The following RALGAPA1 variants were observed in gnomAD, a reference collection of about 807,000 sequenced individuals.
The protein encoded by RALGAPA1 is Ral GTPase activating protein catalytic subunit alpha 1.
In RALGAPA1, 52 loss-of-function variants were observed where a neutral mutation model predicts 269.6. The ratio of observed to expected loss-of-function variants is 0.19; its 90% CI spans 0.15 to 0.24. RALGAPA1 has a LOEUF of 0.24. RALGAPA1 is among the 10% of genes least tolerant of loss of function. RALGAPA1 has a pLI of 1.00. For synonymous variants in RALGAPA1, 817 were observed against 1,008.3 expected, an observed-to-expected ratio of 0.81 and a Z score of 3.60; for missense variants, 1,917 against 3,013.9, an observed-to-expected ratio of 0.64 and a Z score of 8.52.
chr14:35,686,725 TTGAAACAA>T, intron 18 of RALGAPA1, 59 bp from the exon 19 acceptor site: 1 of 1,033,754 alleles, frequency 9.7e-7, no homozygotes, highest in South Asian at 2.2e-5. Flanking sequence ...TTTTCTAACT[TTGAAACAA>T]ACAACAACCC....
intron 33 of RALGAPA1, among the ~76,000 whole-genome samples, chr14:35,633,323 T>C (rs1011564939): frequency 7.9e-5 from 12 of 152,188 alleles, no homozygotes; most frequent in African/African-American, 2.4e-4. Flanking sequence ...AATATAATTT[T>C]AAATTGCTTA....
At chr14:35,663,223 TCAAA>T (rs1415426379) in intron 27 of RALGAPA1, among the ~76,000 whole-genome samples, 1 of 152,082 alleles carries the variant, frequency 6.6e-6, no homozygotes, top group East Asian at 1.9e-4. Flanking sequence ...ATACCAGGTA[TCAAA>T]CAGTATGTTA....
In RALGAPA1 at chr14:35,638,443, T is replaced by A. The variant is rs1205388910; in HGVS notation, c.5677-2845A>T. On this transcript the variant is annotated intron_variant, in intron 31 of 41. Transcript: ENST00000680220. ...TATAAGATATTACTTGCAAGCCTTA[T>A]GGTAACCTCCAATATAAACACATAC... Among the ~76,000 whole-genome samples the A allele has an allele frequency of 2.0e-5, 3 of 152,126 alleles. No homozygotes were observed. In the East Asian group the frequency reaches 5.8e-4, roughly 29 times the overall value.
chr14:35,672,704 A>G (rs1264272033), intron 25 of RALGAPA1, among the ~76,000 whole-genome samples, 163 bp downstream of exon 25: 2 of 152,214 alleles, frequency 1.3e-5, no homozygotes, highest in Non-Finnish European at 2.9e-5. Flanking sequence ...CCATGTTTCA[A>G]GAACAAATAA....
intron 37 of RALGAPA1, among the ~76,000 whole-genome samples, chr14:35,576,425 T>G (rs541187743): frequency 6.6e-6 from 1 of 152,232 alleles, no homozygotes; most frequent in Non-Finnish European, 1.5e-5. Flanking sequence ...TTTAAGCTTA[T>G]GAAGGTCTAT....
intron 32 of RALGAPA1, among the ~76,000 whole-genome samples, 154 bp downstream of exon 32, chr14:35,635,310 A>G (rs2061599959): frequency 6.6e-6 from 1 of 152,214 alleles, no homozygotes; most frequent in Non-Finnish European, 1.5e-5. Context: ...TGTAGGAAGC[A>G]CTTTTAAATT....
chr14:35,573,448 G>A (rs1210380957), intron 37 of RALGAPA1, among the ~76,000 whole-genome samples: 1 of 152,090 alleles, frequency 6.6e-6, no homozygotes, highest in Non-Finnish European at 1.5e-5. Context: ...TTGACTTTTA[G>A]TGCAGATCTT....
At chr14:35,718,399 G>T (rs1249954540) in intron 16 of RALGAPA1, among the ~76,000 whole-genome samples, 1 of 152,168 alleles carries the variant, frequency 6.6e-6, no homozygotes, top group Non-Finnish European at 1.5e-5. Flanking sequence ...GGATTCTCAA[G>T]AAACTGGTAA....
At chr14:35,699,400 T>C (rs2067156565) in intron 17 of RALGAPA1, among the ~76,000 whole-genome samples, 1 of 152,096 alleles carries the variant, frequency 6.6e-6, no homozygotes, top group Non-Finnish European at 1.5e-5. Flanking sequence ...TGGTGATGGT[T>C]AATAGGGGTA....
intron 16 of RALGAPA1, among the ~76,000 whole-genome samples, chr14:35,718,368 T>C (rs1386451404): frequency 6.6e-6 from 1 of 152,226 alleles, no homozygotes; most frequent in African/African-American, 2.4e-5. Flanking sequence ...TATAAGCCTG[T>C]ATCGACATAA....
At chr14:35,705,913 C>A (rs1228848069) in intron 16 of RALGAPA1, among the ~76,000 whole-genome samples, 4 of 152,138 alleles carry the variant, frequency 2.6e-5, no homozygotes, top group African/African-American at 7.2e-5. Flanking sequence ...TGTTGAGTAT[C>A]TTTTCATATG....
chr14:35,682,605 C>T (rs1036398038), intron 21 of RALGAPA1, among the ~76,000 whole-genome samples: 3 of 152,112 alleles, frequency 2.0e-5, no homozygotes, highest in African/African-American at 4.8e-5. Context: ...CATGCCCGGC[C>T]GTCAGTGTTT....
intron 24 of RALGAPA1, 65 bp from the exon 25 acceptor site, chr14:35,673,087 C>T: frequency 7.6e-7 from 1 of 1,318,158 alleles, no homozygotes; most frequent in Non-Finnish European, 9.9e-7. Context: ...ACTTAAGCAA[C>T]TGAATATAGC....
At chr14:35,651,252 T>C (rs2062811371) in intron 31 of RALGAPA1, among the ~76,000 whole-genome samples, 2 of 151,914 alleles carry the variant, frequency 1.3e-5, no homozygotes, top group African/African-American at 2.4e-5. Flanking sequence ...GATGAAGAAA[T>C]GCAGAATTTC....
At chr14:35,731,118 G>A (rs1379025916) in intron 12 of RALGAPA1, among the ~76,000 whole-genome samples, 1 of 152,216 alleles carries the variant, frequency 6.6e-6, no homozygotes, top group Non-Finnish European at 1.5e-5. Flanking sequence ...TGGGTGGCTA[G>A]ACACAGAAGA....
At chr14:35,554,551 T>C (rs868269005) in intron 39 of RALGAPA1, among the ~76,000 whole-genome samples, 96 of 151,558 alleles carry the variant, frequency 6.3e-4, no homozygotes, top group Middle Eastern at 6.8e-3. Flanking sequence ...TTTCACCGTT[T>C]TAGCCGGGAT....
intron 39 of RALGAPA1, among the ~76,000 whole-genome samples, chr14:35,566,413 T>C (rs12589419): frequency 6.6e-6 from 1 of 152,074 alleles, no homozygotes; most frequent in Non-Finnish European, 1.5e-5. Context: ...AATAGCACAA[T>C]TTATGCTTTG....
intron 35 of RALGAPA1, among the ~76,000 whole-genome samples, chr14:35,621,110 C>CT (rs772973639): frequency 3.2e-4 from 48 of 152,118 alleles, no homozygotes; most frequent in Non-Finnish European, 5.7e-4. Context: ...TGACTTCAAA[C>CT]ATACTACAAG....
At chr14:35,596,631 A>C (rs966587724) in intron 36 of RALGAPA1, among the ~76,000 whole-genome samples, 3 of 152,132 alleles carry the variant, frequency 2.0e-5, no homozygotes, top group Non-Finnish European at 2.9e-5. Flanking sequence ...CTGAATACAT[A>C]TATGATTGTT....
Sources: allele counts gnomAD v4.1 joint callset (sites outside exome capture counted in the v4.1 genomes callset), GRCh38; gene constraint gnomAD v4.1.1; transcripts MANE v1.5; gene names NCBI Gene and HGNC (gene_info 2026-07-23, HGNC 2026-07-21).